Variants in RAD51B observed in about 807,000 individuals in gnomAD.
The protein encoded by RAD51B is DNA repair protein RAD51 homolog 2.
In RAD51B, 38 loss-of-function variants were observed where a neutral mutation model predicts 42.2. The observed-to-expected ratio is 0.90, with a 90% CI of 0.70 to 1.18. The LOEUF is 1.18. RAD51B is among the 50% of genes most tolerant of loss of function. The probability of loss-of-function intolerance (pLI) is 0.00; values close to 1 mark genes in which losing one functional copy is unlikely to be tolerated. For missense variants in RAD51B, 373 were observed against 400.7 expected (o/e 0.93, Z 0.59); for synonymous variants, 154 against 145.2 (o/e 1.06, Z -0.43).
At chr14:68,099,749 G>T (rs1030469285) in intron 7 of RAD51B, among the ~76,000 whole-genome samples, 5 of 152,222 alleles carry the variant, frequency 3.3e-5, no homozygotes, top group African/African-American at 1.2e-4. Context: ...GTAACACTAG[G>T]CCCTTGTGAT....
At chr14:67,940,937 C>T (rs552525229) in intron 7 of RAD51B, among the ~76,000 whole-genome samples, 3 of 152,298 alleles carry the variant, frequency 2.0e-5, no homozygotes, top group East Asian at 1.9e-4. Flanking sequence ...CTTCTTACAA[C>T]GTGGTCATAT....
At chr14:68,664,194 A>AT (rs1892989471) in intron 11 of RAD51B, among the ~76,000 whole-genome samples, 1 of 152,144 alleles carries the variant, frequency 6.6e-6, no homozygotes, top group African/African-American at 2.4e-5. Context: ...TGTCAACATA[A>AT]TTTTTTAGCA....
At chr14:67,893,495 C>T (rs868650185) in intron 7 of RAD51B, among the ~76,000 whole-genome samples, 2 of 77,610 alleles carry the variant, frequency 2.6e-5, no homozygotes, top group Non-Finnish European at 5.2e-5. Context: ...CACACACACA[C>T]ACACACACAC....
chr14:68,259,801 A>G (rs1015919918), intron 7 of RAD51B, among the ~76,000 whole-genome samples: 6 of 152,072 alleles, frequency 3.9e-5, no homozygotes, highest in Non-Finnish European at 5.9e-5. Flanking sequence ...CTTGACCATG[A>G]TACTGTGGAC....
chr14:68,396,421 T>C (rs1468659622), intron 8 of RAD51B, among the ~76,000 whole-genome samples: 1 of 152,200 alleles, frequency 6.6e-6, no homozygotes, highest in African/African-American at 2.4e-5. Context: ...TGAACACTGA[T>C]AAAATAAATA....
intron 5 of RAD51B, among the ~76,000 whole-genome samples, chr14:67,878,033 C>A (rs2042784409): frequency 1.3e-5 from 2 of 152,076 alleles, no homozygotes; most frequent in South Asian, 2.1e-4. Flanking sequence ...CAAGTTTTCC[C>A]CCACTATTAG....
At chr14:68,144,875 A>G (rs1355363707) in intron 7 of RAD51B, among the ~76,000 whole-genome samples, 1 of 152,152 alleles carries the variant, frequency 6.6e-6, no homozygotes, top group Non-Finnish European at 1.5e-5. Flanking sequence ...TGTATACTAT[A>G]TAAAGTCTTT....
At chr14:68,495,541 AGT>A (rs1305904012) in intron 10 of RAD51B, among the ~76,000 whole-genome samples, 4 of 152,174 alleles carry the variant, frequency 2.6e-5, no homozygotes, top group Non-Finnish European at 4.4e-5. Context: ...CGGAGGAAGC[AGT>A]GTTAACTTGA....
At chr14:68,272,542 G>A (rs903318300) in intron 7 of RAD51B, among the ~76,000 whole-genome samples, 4 of 145,720 alleles carry the variant, frequency 2.7e-5, no homozygotes, top group Non-Finnish European at 6.0e-5. Context: ...CATGTAAAGA[G>A]CACTTTGGAA....
At chr14:67,977,932 A>T (rs538745865) in intron 7 of RAD51B, among the ~76,000 whole-genome samples, 5 of 152,334 alleles carry the variant, frequency 3.3e-5, no homozygotes, top group Non-Finnish European at 7.3e-5. Context: ...AGTTTCTACC[A>T]GCATTCCCTT....
At chr14:68,218,730 T>C (rs2079864834) in intron 7 of RAD51B, among the ~76,000 whole-genome samples, 1 of 152,106 alleles carries the variant, frequency 6.6e-6, no homozygotes, top group Non-Finnish European at 1.5e-5. Flanking sequence ...GTTGAAAAAA[T>C]AGGCAACTAA....
chr14:68,175,502 C>T (rs1241017158), intron 7 of RAD51B, among the ~76,000 whole-genome samples: 4 of 152,092 alleles, frequency 2.6e-5, no homozygotes, highest in African/African-American at 4.8e-5. Context: ...AAAATAGCTA[C>T]GAAATACCTA....
At chr14:68,335,308 AAAAAAGAAAAG>A (rs2082431967) in intron 8 of RAD51B, among the ~76,000 whole-genome samples, 1 of 143,344 alleles carries the variant, frequency 7.0e-6, no homozygotes. Context: ...AAAAAAAAAA[AAAAAAGAAAAG>A]AAAAAAGAAA....
rs76470586 is a variant in RAD51B, at chr14:68,362,172, A to G, written c.854-49252A>G. 4.0e-3 allele frequency among the ~76,000 whole-genome samples: 609 copies of G among 152,328 alleles called. 5 individuals are homozygous for G. The highest frequency in any genetic ancestry group is 6.7e-3 in the Non-Finnish European group (454 of 68,022). ...TGAGAATTAAATACATATAATACAT[A>G]TAAAGGACCTCTAGTGCCTAACACA... is the stretch of plus-strand genomic sequence containing the variant. On this transcript the variant is annotated intron_variant, in intron 8 of 10. Coordinates refer to ENST00000471583, the MANE Select transcript of RAD51B (RefSeq NM_133510.4).
chr14:67,950,558 C>T (rs1319534327), intron 7 of RAD51B, among the ~76,000 whole-genome samples: 1 of 152,132 alleles, frequency 6.6e-6, no homozygotes, highest in African/African-American at 2.4e-5. Context: ...AGCAATAAGA[C>T]TGTTTTGCTT....
At position 67,865,535 on chromosome 14, in the gene RAD51B, C is replaced by CTTTT. The variant is rs34247540; in HGVS notation, c.452+414_452+417dup. 6.7e-4 allele frequency among the ~76,000 whole-genome samples: 60 copies of CTTTT among 89,970 alleles called. 2 individuals carry two copies. The highest frequency in any genetic ancestry group is 1.8e-3 in the African/African-American group (40 of 22,038). The allele number at this position is 89,970 out of a possible 152,430, so 59.0% of individuals were successfully genotyped here. On this transcript the variant is annotated intron_variant, in intron 5 of 10. Transcript: ENST00000471583. ...TATAGGCGTGAGCCACTGTGCCTGG[C>CTTTT]TTTTTTTTTTTTTTTTTTTTTGAGA...
rs2085766126 is a variant in RAD51B, at chr14:68,458,703, ATTAT to A, written c.958-9464_958-9461del. 3.3e-5 allele frequency among the ~76,000 whole-genome samples: 5 copies of A among 149,808 alleles called. No individual in the cohort carries two copies. The South Asian group carries it at 1.0e-3, about 31-fold the overall frequency. ...ATATCATATTATTATATTGTATATT[ATTAT>A]TTATATTATATTTTTTAGGGATTCA... On this transcript the variant is annotated intron_variant, in intron 9 of 10. Transcript: ENST00000471583.
At chr14:67,846,486 G>T (rs1221292649) in intron 4 of RAD51B, among the ~76,000 whole-genome samples, 2 of 152,158 alleles carry the variant, frequency 1.3e-5, no homozygotes, top group African/African-American at 4.8e-5. Flanking sequence ...TAGGGCAGGT[G>T]GGGGCGTGGC....
chr14:67,959,682 T>C (rs1034585863), intron 7 of RAD51B, among the ~76,000 whole-genome samples: 4 of 152,250 alleles, frequency 2.6e-5, no homozygotes, highest in Non-Finnish European at 4.4e-5. Flanking sequence ...CTGTCTTCTT[T>C]CTAGCATATC....
Sources: allele counts gnomAD v4.1 joint callset (sites outside exome capture counted in the v4.1 genomes callset), GRCh38; gene constraint gnomAD v4.1.1; transcripts MANE v1.5; gene names NCBI Gene and HGNC (gene_info 2026-07-23, HGNC 2026-07-21).